The following FBXW7 variants were observed in gnomAD, a reference collection of about 807,000 sequenced individuals.
The protein encoded by FBXW7 is F-box/WD repeat-containing protein 7.
In FBXW7, 11 loss-of-function variants were observed where a neutral mutation model predicts 86.3. The observed-to-expected ratio is 0.13, with a 90% CI of 0.08 to 0.21. The LOEUF (loss-of-function observed/expected upper bound fraction) is 0.21, where lower values mean the gene tolerates loss of function less well. Ranked by LOEUF, FBXW7 falls within the 10% of genes least tolerant of loss-of-function variation. The pLI, the probability that FBXW7 is intolerant of heterozygous loss-of-function variation, is 1.00. For missense variants in FBXW7, 488 were observed against 847.4 expected (o/e 0.58, Z 5.27); for synonymous variants, 313 against 297.9 (o/e 1.05, Z -0.52).
At chr4:152,369,906 T>A (rs76889682) in intron 4 of FBXW7, among the ~76,000 whole-genome samples, 1 of 151,958 alleles carries the variant, frequency 6.6e-6, no homozygotes, top group Non-Finnish European at 1.5e-5. Context: ...GTATAACACA[T>A]GTAAGAACAT....
At chr4:152,422,126 G>A (rs1739006521) in intron 2 of FBXW7, among the ~76,000 whole-genome samples, 2 of 152,012 alleles carry the variant, frequency 1.3e-5, no homozygotes, top group Admixed American at 1.3e-4. Flanking sequence ...ACCATGGTGT[G>A]CCTATATAGT....
intron 7 of FBXW7, among the ~76,000 whole-genome samples, chr4:152,336,908 A>G (rs776986567): frequency 3.2e-4 from 48 of 151,992 alleles, no homozygotes; most frequent in Non-Finnish European, 5.6e-4. Context: ...TTTCTGTTCA[A>G]ATTTGAAGTT....
At chr4:152,361,821 C>A (rs1243954677) in intron 4 of FBXW7, among the ~76,000 whole-genome samples, 1 of 151,796 alleles carries the variant, frequency 6.6e-6, no homozygotes, top group African/African-American at 2.4e-5. Flanking sequence ...CAAAAATTAG[C>A]CGGGTATGGT....
intron 4 of FBXW7, among the ~76,000 whole-genome samples, chr4:152,355,784 T>C (rs186509065): frequency 2.0e-5 from 3 of 152,078 alleles, no homozygotes; most frequent in South Asian, 2.1e-4. Flanking sequence ...TGTGCTAGCA[T>C]AGAAGTTAGA....
At chr4:152,367,441 A>T (rs549645078) in intron 4 of FBXW7, among the ~76,000 whole-genome samples, 1 of 152,194 alleles carries the variant, frequency 6.6e-6, no homozygotes, top group Non-Finnish European at 1.5e-5. Context: ...TTTCATCAGC[A>T]TCTCCCATTG....
chr4:152,434,502 C>T (rs1041578047), intron 2 of FBXW7, among the ~76,000 whole-genome samples: 1 of 152,118 alleles, frequency 6.6e-6, no homozygotes, highest in Non-Finnish European at 1.5e-5. Context: ...TAGTTTACCC[C>T]CTGTCCTAAT....
At chr4:152,396,153 A>C (rs1030580820) in intron 4 of FBXW7, among the ~76,000 whole-genome samples, 10 of 151,958 alleles carry the variant, frequency 6.6e-5, no homozygotes. Flanking sequence ...TAGTTACAAT[A>C]CAGGTGTATG....
intron 2 of FBXW7, among the ~76,000 whole-genome samples, chr4:152,439,981 T>G (rs908517309): frequency 3.3e-5 from 5 of 152,206 alleles, no homozygotes; most frequent in Non-Finnish European, 7.3e-5. Flanking sequence ...AGATTAAATT[T>G]TATTGCTACT....
At chr4:152,428,178 C>T (rs1380154695) in intron 2 of FBXW7, among the ~76,000 whole-genome samples, 1 of 152,098 alleles carries the variant, frequency 6.6e-6, no homozygotes, top group African/African-American at 2.4e-5. Context: ...TTTCTACTGA[C>T]ACCATACTAA....
chr4:152,376,694 G>GT (rs544213670), intron 4 of FBXW7, among the ~76,000 whole-genome samples: 20 of 150,700 alleles, frequency 1.3e-4, no homozygotes, highest in East Asian at 9.7e-4. Context: ...GAGGTGCTGT[G>GT]TTTTTTTTTG....
At chr4:152,405,405 A>C (rs1354934185) in intron 4 of FBXW7, among the ~76,000 whole-genome samples, 2 of 152,184 alleles carry the variant, frequency 1.3e-5, no homozygotes, top group Non-Finnish European at 2.9e-5. Context: ...GGGAAGGAGT[A>C]TGATTCAAAA....
intron 2 of FBXW7, among the ~76,000 whole-genome samples, chr4:152,480,160 A>G (rs1744754733): frequency 6.6e-6 from 1 of 152,096 alleles, no homozygotes; most frequent in Admixed American, 6.6e-5. Flanking sequence ...ATTTGGTGCA[A>G]TTTTTCAAAT....
chr4:152,497,520 A>C (rs1746482257), intron 2 of FBXW7, among the ~76,000 whole-genome samples: 1 of 152,156 alleles, frequency 6.6e-6, no homozygotes, highest in Non-Finnish European at 1.5e-5. Context: ...GGAAACTAGA[A>C]TGATCAAAAA....
intron 2 of FBXW7, among the ~76,000 whole-genome samples, chr4:152,534,609 G>A (rs887083219): frequency 1.1e-4 from 16 of 152,284 alleles, no homozygotes; most frequent in African/African-American, 3.8e-4. Flanking sequence ...ACAGTACCAG[G>A]AAAAGGTTAC....
At chr4:152,340,085 A>G (rs934755065) in intron 6 of FBXW7, among the ~76,000 whole-genome samples, 4 of 152,178 alleles carry the variant, frequency 2.6e-5, no homozygotes, top group Non-Finnish European at 5.9e-5. Flanking sequence ...AAATTTCCAT[A>G]TATTTAAGAA....
chr4:152,342,214 G>A (rs1730812447), intron 6 of FBXW7, among the ~76,000 whole-genome samples: 1 of 152,184 alleles, frequency 6.6e-6, no homozygotes, highest in African/African-American at 2.4e-5. Context: ...TTTATTTCAG[G>A]TAAATTAGGG....
chr4:152,329,090 GATAAAA>G (rs1309990090), intron 10 of FBXW7: 1 of 151,774 alleles, frequency 6.6e-6, no homozygotes, highest in Non-Finnish European at 1.5e-5. Flanking sequence ...CTACTGGACA[GATAAAA>G]ATAAATATTC....
intron 2 of FBXW7, among the ~76,000 whole-genome samples, chr4:152,477,238 G>A (rs923571886): frequency 2.0e-5 from 3 of 151,986 alleles, no homozygotes; most frequent in African/African-American, 4.8e-5. Context: ...CTTGACAATG[G>A]GACTCTAGTT....
At chr4:152,465,334 T>C (rs925301529) in intron 2 of FBXW7, among the ~76,000 whole-genome samples, 2 of 152,116 alleles carry the variant, frequency 1.3e-5, no homozygotes, top group Non-Finnish European at 2.9e-5. Context: ...TAAAAGCTAT[T>C]TTGCCTTAAT....
Sources: allele counts gnomAD v4.1 joint callset (sites outside exome capture counted in the v4.1 genomes callset), GRCh38; gene constraint gnomAD v4.1.1; transcripts MANE v1.5; gene names NCBI Gene and HGNC (gene_info 2026-07-23, HGNC 2026-07-21).